The following CRTAC1 variants were observed in gnomAD, a reference collection of about 807,000 sequenced individuals.
CRTAC1 encodes acidic secreted protein in cartilage.
In CRTAC1, 37 loss-of-function variants were observed where a neutral mutation model predicts 67.8. The observed-to-expected ratio is 0.55, with a 90% CI of 0.42 to 0.72. CRTAC1 has a LOEUF of 0.72. Ranked by LOEUF, CRTAC1 falls within the 30% of genes least tolerant of loss-of-function variation. The pLI is 0.00. For synonymous variants in CRTAC1, 348 were observed against 371.0 expected (o/e 0.94, Z 0.71); for missense variants, 780 against 931.6 (o/e 0.84, Z 2.12).
chr10:97,909,900 G>T (rs568230442), intron 5 of CRTAC1, among the ~76,000 whole-genome samples: 3 of 152,336 alleles, frequency 2.0e-5, no homozygotes, highest in African/African-American at 7.2e-5. Flanking sequence ...CCTGTCATTT[G>T]TGACAACGTG....
Position 98,015,280 on chromosome 10 carries a change from C to T in CRTAC1, c.25-3943G>A, listed in dbSNP as rs146883204. 7.0e-4 allele frequency among the ~76,000 whole-genome samples: 107 copies of T among 152,228 alleles called. 1 individual carries two copies. The highest frequency in any genetic ancestry group is 2.5e-3 in the African/African-American group (103 of 41,544). On this transcript the variant is annotated intron_variant, in intron 1 of 14. Coordinates refer to ENST00000370597, the MANE Select transcript of CRTAC1 (RefSeq NM_018058.7). ...ACAAACACTGTATGTTCCACTTCTACGAGGTGTCCAGAGTAGTCAGATTCA... is the reference window on the plus strand; with the variant it reads ...ACAAACACTGTATGTTCCACTTCTATGAGGTGTCCAGAGTAGTCAGATTCA...
At chr10:98,018,980 G>C (rs572857189) in intron 1 of CRTAC1, among the ~76,000 whole-genome samples, 1 of 152,166 alleles carries the variant, frequency 6.6e-6, no homozygotes, top group African/African-American at 2.4e-5. Flanking sequence ...TGTGCTAGGT[G>C]CTAGGGTCAC....
At chr10:97,892,267 C>T (rs2050386251) in intron 11 of CRTAC1, among the ~76,000 whole-genome samples, 1 of 152,206 alleles carries the variant, frequency 6.6e-6, no homozygotes, top group Admixed American at 6.5e-5. Flanking sequence ...CTTAAAATAG[C>T]AGAGGCTGCC....
chr10:97,959,693 G>GT (rs1226351829), intron 2 of CRTAC1, among the ~76,000 whole-genome samples: 2 of 152,232 alleles, frequency 1.3e-5, no homozygotes, highest in African/African-American at 2.4e-5. Flanking sequence ...TGGGCCATAG[G>GT]TAAGGCGGAT....
At chr10:97,909,077 A>G (rs1459906169) in intron 5 of CRTAC1, among the ~76,000 whole-genome samples, 4 of 152,212 alleles carry the variant, frequency 2.6e-5, no homozygotes, top group African/African-American at 9.6e-5. Context: ...GAAATCCAAT[A>G]AAGTATATAT....
intron 14 of CRTAC1, chr10:97,866,670 G>A (rs997737032): frequency 6.6e-6 from 1 of 152,256 alleles, no homozygotes; most frequent in African/African-American, 2.4e-5. Flanking sequence ...ACATTTATAA[G>A]CACACCTGTG....
chr10:98,012,177 T>C (rs1842922803), intron 1 of CRTAC1, among the ~76,000 whole-genome samples: 1 of 152,246 alleles, frequency 6.6e-6, no homozygotes, highest in South Asian at 2.1e-4. Context: ...ATTAATTATG[T>C]ATAATGCATT....
chr10:98,008,586 G>A (rs1030492528), intron 2 of CRTAC1, among the ~76,000 whole-genome samples: 3 of 150,972 alleles, frequency 2.0e-5, no homozygotes, highest in South Asian at 2.1e-4. Context: ...GAGACAGGGA[G>A]AGGCTTTCCA....
intron 3 of CRTAC1, among the ~76,000 whole-genome samples, chr10:97,928,971 T>A (rs4919160): frequency 0.66 from 100,054 of 151,512 alleles, 34,489 homozygotes; most frequent in East Asian, 0.83. Flanking sequence ...GAAGGGTGAA[T>A]GCGCCAGCAA....
At chr10:97,976,966 G>A (rs2051815568) in intron 2 of CRTAC1, among the ~76,000 whole-genome samples, 1 of 152,206 alleles carries the variant, frequency 6.6e-6, no homozygotes, top group African/African-American at 2.4e-5. Flanking sequence ...TTTCGGCCCA[G>A]GGATCATCTT....
chr10:97,971,304 A>G (rs2051707997), intron 2 of CRTAC1, among the ~76,000 whole-genome samples: 1 of 152,244 alleles, frequency 6.6e-6, no homozygotes, highest in African/African-American at 2.4e-5. Context: ...ATATCCACAC[A>G]ATGGAATATT....
Position 97,936,384 on chromosome 10 carries a change from AG to A in CRTAC1, c.225-19del, listed in dbSNP as rs1832259458. ...CATTGTACCTGGAGGAGGAATGGGG[AG>A]GGGATGCTGGGGAGGAGCCGCTGGG... On this transcript the variant is annotated intron_variant, in intron 2 of 14. Transcript: ENST00000370597. 1.9e-6 allele frequency: 3 copies of A among 1,591,890 alleles called. No homozygotes were observed. Among genetic ancestry groups the A allele is most frequent in the Non-Finnish European group, 2.6e-6 (3 of 1,163,556 alleles).
intron 2 of CRTAC1, among the ~76,000 whole-genome samples, chr10:98,003,674 G>A (rs1055194470): frequency 6.6e-6 from 1 of 152,194 alleles, no homozygotes. Flanking sequence ...AGCCCACTTT[G>A]CCAGGTAAGA....
At chr10:97,997,008 T>G (rs1842588199) in intron 2 of CRTAC1, among the ~76,000 whole-genome samples, 1 of 141,880 alleles carries the variant, frequency 7.0e-6, no homozygotes, top group African/African-American at 2.6e-5. Context: ...CACCGCATGT[T>G]CTCACTCATA....
chr10:97,981,729 T>C (rs932251302), intron 2 of CRTAC1, among the ~76,000 whole-genome samples: 1 of 152,204 alleles, frequency 6.6e-6, no homozygotes, highest in Non-Finnish European at 1.5e-5. Context: ...CTTCCCAAAT[T>C]TTTGAACTCC....
intron 1 of CRTAC1, among the ~76,000 whole-genome samples, chr10:98,013,930 A>T (rs1273133937): frequency 6.6e-6 from 1 of 152,212 alleles, no homozygotes; most frequent in Non-Finnish European, 1.5e-5. Flanking sequence ...CCATGAGACC[A>T]GGGAGAGAGT....
Position 97,923,337 on chromosome 10 carries a change from C to T in CRTAC1, c.485G>A (p.Ser162Asn), listed in dbSNP as rs1427288059. The T allele has an allele frequency of 3.1e-6, 5 of 1,614,020 alleles. No individual in the cohort carries two copies. The African/African-American group carries it at 6.7e-5, about 22-fold the overall frequency. The change falls in exon 4 of 15, where the codon AGC (serine) becomes AAC (asparagine). Residue 162 changes from serine (S) to asparagine (N), a missense_variant. Physicochemically the swap from Ser to Asn is conservative, Grantham distance 46. Coordinates refer to ENST00000370597, the MANE Select transcript of CRTAC1 (RefSeq NM_018058.7). ...ACCACGGGCCACGTTGACCTCATCG[C>T]TCAGGATGTCTTCCCACCGGTTATT... ...FRNNRWEDIL[S>N]DEVNVARGVA...
chr10:97,908,436 A>G (rs1590200502), intron 5 of CRTAC1, among the ~76,000 whole-genome samples: 1 of 152,206 alleles, frequency 6.6e-6, no homozygotes, highest in Admixed American at 6.5e-5. Flanking sequence ...GAAGTGGCTG[A>G]ACAATCATCT....
intron 2 of CRTAC1, among the ~76,000 whole-genome samples, chr10:97,971,981 C>T (rs2051721494): frequency 6.6e-6 from 1 of 152,148 alleles, no homozygotes; most frequent in Non-Finnish European, 1.5e-5. Context: ...ACCTGGAAGA[C>T]AGCCAAATGC....
Sources: allele counts gnomAD v4.1 joint callset (sites outside exome capture counted in the v4.1 genomes callset), GRCh38; gene constraint gnomAD v4.1.1; transcripts MANE v1.5; gene names NCBI Gene and HGNC (gene_info 2026-07-23, HGNC 2026-07-21).